ZFAND3: variants seen among roughly 807,000 people sequenced by gnomAD.
The protein encoded by ZFAND3 is AN1-type zinc finger protein 3.
ZFAND3 carries 10 observed loss-of-function variants against 29.6 expected under a neutral mutation model. The observed-to-expected ratio is 0.34, with a 90% confidence interval of 0.21 to 0.57. The LOEUF (loss-of-function observed/expected upper bound fraction) is 0.57. Among genes scored for constraint, ZFAND3 ranks in the 20% least tolerant of loss-of-function variants. The pLI is 0.86. For missense variants in ZFAND3, 230 were observed against 304.5 expected, an observed-to-expected ratio of 0.76 and a Z score of 1.82; for synonymous variants, 128 against 112.6, an observed-to-expected ratio of 1.14 and a Z score of -0.87.
At chr6:37,983,846 C>T (rs907763590) in intron 2 of ZFAND3, among the ~76,000 whole-genome samples, 5 of 152,128 alleles carry the variant, frequency 3.3e-5, no homozygotes, top group African/African-American at 7.2e-5. Context: ...TAGGCTATAC[C>T]ATCTAGGTTT....
chr6:38,110,986 A>G (rs1035467843), intron 4 of ZFAND3, among the ~76,000 whole-genome samples: 4 of 152,226 alleles, frequency 2.6e-5, no homozygotes, highest in African/African-American at 9.6e-5. Context: ...GGAAATTTTC[A>G]GGCGGGAACA....
At chr6:37,902,663 T>C (rs903774561) in intron 1 of ZFAND3, among the ~76,000 whole-genome samples, 17 of 151,896 alleles carry the variant, frequency 1.1e-4, no homozygotes, top group African/African-American at 3.9e-4. Context: ...TTTCCTTTTT[T>C]AAAAAAGTAA....
At chr6:37,917,266 C>T (rs558245367) in intron 1 of ZFAND3, among the ~76,000 whole-genome samples, 9 of 152,154 alleles carry the variant, frequency 5.9e-5, no homozygotes, top group African/African-American at 1.7e-4. Flanking sequence ...AGAATGTTAG[C>T]GGTCATTGGT....
intron 3 of ZFAND3, among the ~76,000 whole-genome samples, chr6:38,063,832 A>G (rs1203305022): frequency 1.3e-5 from 2 of 152,240 alleles, no homozygotes; most frequent in Non-Finnish European, 2.9e-5. Flanking sequence ...TCTTTGGAGA[A>G]GTAACCTTGG....
intron 5 of ZFAND3, among the ~76,000 whole-genome samples, chr6:38,135,839 T>TA (rs1765832166): frequency 6.6e-6 from 1 of 152,110 alleles, no homozygotes; most frequent in African/African-American, 2.4e-5. Context: ...TGTGGACACT[T>TA]ACTAGCATCA....
intron 1 of ZFAND3, among the ~76,000 whole-genome samples, chr6:37,873,702 G>A (rs1394034512): frequency 6.6e-6 from 1 of 152,190 alleles, no homozygotes; most frequent in East Asian, 1.9e-4. Context: ...AAGGTGTGAT[G>A]TTTTGTAACA....
intron 1 of ZFAND3, among the ~76,000 whole-genome samples, chr6:37,821,115 A>G (rs1581686424): frequency 6.6e-6 from 1 of 152,356 alleles, no homozygotes; most frequent in East Asian, 1.9e-4. Context: ...CTTGGGAAGA[A>G]GTATGGAAGT....
At chr6:38,061,893 C>T (rs1235518983) in intron 3 of ZFAND3, 118 bp downstream of exon 3, 3 of 1,234,220 alleles carry the variant, frequency 2.4e-6, no homozygotes, top group African/African-American at 1.5e-5. Flanking sequence ...GATAAGTGTC[C>T]ACATACAAGG....
chr6:38,036,464 A>G (rs1363640048), intron 2 of ZFAND3, among the ~76,000 whole-genome samples: 1 of 152,238 alleles, frequency 6.6e-6, no homozygotes. Context: ...TTTTCAACAG[A>G]AATTCATGCA....
At chr6:38,018,803 C>T (rs9470746) in intron 2 of ZFAND3, among the ~76,000 whole-genome samples, 1 of 152,134 alleles carries the variant, frequency 6.6e-6, no homozygotes, top group Non-Finnish European at 1.5e-5. Context: ...AAGATCAACT[C>T]TTTGATGTAG....
At chr6:37,955,794 G>C (rs1348157484) in intron 2 of ZFAND3, among the ~76,000 whole-genome samples, 1 of 152,198 alleles carries the variant, frequency 6.6e-6, no homozygotes, top group Non-Finnish European at 1.5e-5. Context: ...TCCCAGATCA[G>C]CGCAGTAGTA....
intron 2 of ZFAND3, chr6:38,002,773 A>G (rs1561962477): frequency 6.6e-6 from 1 of 152,208 alleles, no homozygotes; most frequent in South Asian, 2.1e-4. Flanking sequence ...TACGACACCA[A>G]GTCTTTAGAA....
intron 3 of ZFAND3, among the ~76,000 whole-genome samples, chr6:38,079,704 G>C (rs1561991629): frequency 6.6e-6 from 1 of 152,096 alleles, no homozygotes; most frequent in Non-Finnish European, 1.5e-5. Flanking sequence ...GGTGTTATGG[G>C]AACTTAGTGA....
intron 1 of ZFAND3, among the ~76,000 whole-genome samples, chr6:37,873,513 A>G (rs1444723497): frequency 1.3e-5 from 2 of 151,926 alleles, no homozygotes; most frequent in South Asian, 4.1e-4. Flanking sequence ...GAGGTATTTT[A>G]TATAGTTTTA....
chr6:38,118,474 CAGTT>C (rs1169615090), intron 5 of ZFAND3, among the ~76,000 whole-genome samples: 4 of 151,978 alleles, frequency 2.6e-5, no homozygotes, highest in Non-Finnish European at 5.9e-5. Context: ...GGTTGTTCCT[CAGTT>C]AGAATTGTGG....
intron 1 of ZFAND3, among the ~76,000 whole-genome samples, chr6:37,889,823 ATAT>A (rs769728683): frequency 6.6e-5 from 10 of 152,230 alleles, no homozygotes; most frequent in African/African-American, 1.9e-4. Context: ...TGTGTAATGT[ATAT>A]TATTAGGACT....
At chr6:38,085,779 A>G (rs1478341151) in intron 4 of ZFAND3, among the ~76,000 whole-genome samples, 1 of 152,136 alleles carries the variant, frequency 6.6e-6, no homozygotes, top group East Asian at 1.9e-4. Context: ...ACACACAAAT[A>G]TATACATATT....
chr6:38,001,628 T>C (rs1361622864), intron 2 of ZFAND3, among the ~76,000 whole-genome samples: 1 of 152,236 alleles, frequency 6.6e-6, no homozygotes, highest in Non-Finnish European at 1.5e-5. Context: ...TAGCACTTTT[T>C]TTTTCAGCCA....
chr6:38,101,368 A>G (rs1226544623), intron 4 of ZFAND3, among the ~76,000 whole-genome samples: 1 of 152,208 alleles, frequency 6.6e-6, no homozygotes, highest in South Asian at 2.1e-4. Context: ...TAATATACTC[A>G]TTCAGGGAGA....
Sources: gnomAD v4.1 joint callset for allele counts (sites outside exome capture counted in the v4.1 genomes callset) on GRCh38, gnomAD v4.1.1 for gene constraint, MANE v1.5 for transcripts, NCBI Gene and HGNC (gene_info 2026-07-23, HGNC 2026-07-21) for gene names.